TSPEAR: variants seen among roughly 807,000 people sequenced by gnomAD.
TSPEAR encodes the protein thrombospondin-type laminin G domain and EAR repeat-containing protein.
TSPEAR carries 69 observed loss-of-function variants against 71.6 expected under a neutral mutation model. That is an observed-to-expected ratio of 0.96 (90% CI 0.79 to 1.18). The LOEUF (loss-of-function observed/expected upper bound fraction) is 1.18. TSPEAR is among the 50% of genes most tolerant of loss of function. The pLI is 0.00. For missense variants in TSPEAR, 971 were observed against 894.9 expected (o/e 1.09, Z -1.09); for synonymous variants, 402 against 387.2 (o/e 1.04, Z -0.45).
At chr21:44,644,371 C>T (rs587704362) in intron 1 of TSPEAR, among the ~76,000 whole-genome samples, 6 of 152,292 alleles carry the variant, frequency 3.9e-5, no homozygotes, top group African/African-American at 1.4e-4. Flanking sequence ...CTGAAAGCAT[C>T]ACCAAGTCCT....
At chr21:44,702,546 G>C (rs1185667642) in intron 1 of TSPEAR, 3 of 1,610,010 alleles carry the variant, frequency 1.9e-6, no homozygotes, top group Non-Finnish European at 1.7e-6. Context: ...CTTCCTCCCT[G>C]TGCTGCCAGC....
At chr21:44,525,097 A>G (rs973434689) in intron 8 of TSPEAR, among the ~76,000 whole-genome samples, 2 of 151,756 alleles carry the variant, frequency 1.3e-5, no homozygotes, top group Non-Finnish European at 2.9e-5. Flanking sequence ...CTAGTCATTC[A>G]GGTTGTCAGT....
chr21:44,651,853 GA>G (rs1292578958), intron 1 of TSPEAR, among the ~76,000 whole-genome samples: 4 of 152,004 alleles, frequency 2.6e-5, no homozygotes, highest in African/African-American at 9.6e-5. Context: ...GGACTAAGGG[GA>G]AAAAAATCAA....
At chr21:44,543,010 A>C (rs2053247693) in intron 2 of TSPEAR, among the ~76,000 whole-genome samples, 1 of 152,214 alleles carries the variant, frequency 6.6e-6, no homozygotes, top group Admixed American at 6.5e-5. Context: ...GTCTGAAAGA[A>C]AAGAAGCACA....
In TSPEAR at chr21:44,661,852, G is replaced by C. The variant is rs1601542140; in HGVS notation, c.82+49581C>G. Among the ~76,000 whole-genome samples, 8 of 152,132 alleles carry C rather than the reference G, an allele frequency of 5.3e-5. No homozygotes were observed. The South Asian group carries it at 1.7e-3, about 32-fold the overall frequency. The stretch of plus-strand genomic sequence containing the variant: ...ACTGTCGCAAGGACAGCACCAAGGG[G>C]ATGACGCTTAACCATTCATGAGAAA... On this transcript the variant is annotated intron_variant, in intron 1 of 11. Transcript: ENST00000323084.
rs782206056 is a variant in TSPEAR at position 44,533,771 on chromosome 21, C to G, written c.456G>C (p.Leu152=). ...CCAGTGTGTGCCAGCGGCCATCCAC[C>G]AGGGCCGGGCTGCGGAAGGACACTC... ...QTRVSFRSPA[L]VDGRWHTLVL... is the part of the protein sequence containing the mutation. The change falls in exon 3 of 12, where the codon CTG becomes CTC. Residue 152 remains leucine, a synonymous_variant. Transcript: ENST00000323084. 1 of 1,612,454 alleles carries G rather than the reference C, an allele frequency of 6.2e-7. No homozygotes were observed. Among genetic ancestry groups the G allele is most frequent in the Non-Finnish European group, 8.5e-7 (1 of 1,179,866 alleles).
rs192790524 is a variant in TSPEAR, at chr21:44,682,147, C to T, written c.82+29286G>A. ...ATGGTGGCGTGTGGCTGGATAAGGTCGAGGCAGAGGGCAGTGATGTCTGGG... is the reference window on the plus strand; with the variant it reads ...ATGGTGGCGTGTGGCTGGATAAGGTTGAGGCAGAGGGCAGTGATGTCTGGG... On this transcript the variant is annotated intron_variant, in intron 1 of 11. Transcript: ENST00000323084. The T allele has an allele frequency of 9.5e-5, 153 of 1,609,454 alleles. 1 individual carries two copies. The highest frequency in any genetic ancestry group is 1.2e-4 in the Non-Finnish European group (138 of 1,177,068).
intron 11 of TSPEAR, among the ~76,000 whole-genome samples, chr21:44,501,545 C>T (rs774408014): frequency 1.7e-4 from 26 of 152,060 alleles, no homozygotes; most frequent in Non-Finnish European, 2.8e-4. Flanking sequence ...TGCAGTGTGC[C>T]GAGACTGGGC....
At chr21:44,602,606 C>T (rs1191093403) in intron 1 of TSPEAR, among the ~76,000 whole-genome samples, 3 of 152,246 alleles carry the variant, frequency 2.0e-5, no homozygotes, top group African/African-American at 7.2e-5. Context: ...CTGTTTGTAC[C>T]ATGTGGTTTA....
At chr21:44,635,533 T>C (rs1197441805) in intron 1 of TSPEAR, among the ~76,000 whole-genome samples, 4 of 152,002 alleles carry the variant, frequency 2.6e-5, no homozygotes, top group Non-Finnish European at 4.4e-5. Flanking sequence ...AGGTGTACCT[T>C]GAAAACATGC....
chr21:44,680,575 AG>A (rs1986533790), intron 1 of TSPEAR, among the ~76,000 whole-genome samples: 1 of 152,238 alleles, frequency 6.6e-6, no homozygotes, highest in South Asian at 2.1e-4. Flanking sequence ...TGTATCAAAA[AG>A]ATACCTGCAC....
chr21:44,696,559 CAT>C (rs1219454903), intron 1 of TSPEAR, among the ~76,000 whole-genome samples: 2 of 152,240 alleles, frequency 1.3e-5, no homozygotes, highest in Non-Finnish European at 2.9e-5. Context: ...AGACCTATCA[CAT>C]GACTGTTTGC....
At position 44,545,345 on chromosome 21, in the gene TSPEAR, T is replaced by TA. The variant is rs1160153692; in HGVS notation, c.304-11423dup. ...AAAAAAAATTGATTAATTAATTAAT[T>TA]AAAAAAAAAAGAATTAAATTGACAT... On this transcript the variant is annotated intron_variant, in intron 2 of 11. Coordinates refer to ENST00000323084, the MANE Select transcript of TSPEAR (RefSeq NM_144991.3). 1.7e-3 allele frequency among the ~76,000 whole-genome samples: 255 copies of TA among 147,476 alleles called. 1 individual carries two copies. The Middle Eastern group carries it at 0.017, about 10-fold the overall frequency.
chr21:44,615,551 T>TG (rs1260056067), intron 1 of TSPEAR, among the ~76,000 whole-genome samples: 2 of 145,654 alleles, frequency 1.4e-5, no homozygotes, highest in Non-Finnish European at 3.0e-5. Flanking sequence ...AACCAAAGGT[T>TG]TTTTTTTTTT....
At chr21:44,503,505 G>A (rs2052099889) in intron 11 of TSPEAR, among the ~76,000 whole-genome samples, 2 of 136,842 alleles carry the variant, frequency 1.5e-5, no homozygotes, top group Admixed American at 1.4e-4. Context: ...GGAGGAGGCC[G>A]GCCTTGGTGA....
chr21:44,557,213 A>G (rs914934340), intron 2 of TSPEAR, among the ~76,000 whole-genome samples: 5 of 152,200 alleles, frequency 3.3e-5, no homozygotes, highest in African/African-American at 1.2e-4. Context: ...CACATAAGGC[A>G]AAAGAAAACA....
intron 10 of TSPEAR, 37 bp downstream of exon 10, chr21:44,509,162 A>G (rs148385524): frequency 1.3e-6 from 2 of 1,593,028 alleles, no homozygotes; most frequent in Admixed American, 3.4e-5. Context: ...CCTCCCAGAG[A>G]TCAGCCCACC....
chr21:44,676,698 G>A (rs1423975031), intron 1 of TSPEAR: 5 of 772,482 alleles, frequency 6.5e-6, no homozygotes, highest in Non-Finnish European at 1.2e-5. Flanking sequence ...AGTGAAGCTA[G>A]GTTCTCATTT....
At chr21:44,551,830 C>T (rs1406909442) in intron 2 of TSPEAR, among the ~76,000 whole-genome samples, 3 of 152,144 alleles carry the variant, frequency 2.0e-5, no homozygotes, top group Non-Finnish European at 4.4e-5. Flanking sequence ...CTGTGCCCAG[C>T]GTGAGCTCTG....
Sources: gnomAD v4.1 joint callset for allele counts (sites outside exome capture counted in the v4.1 genomes callset) on GRCh38, gnomAD v4.1.1 for gene constraint, MANE v1.5 for transcripts, NCBI Gene and HGNC (gene_info 2026-07-23, HGNC 2026-07-21) for gene names.